Variants in SCML4 observed in about 807,000 individuals in gnomAD.
The protein encoded by SCML4 is Scm polycomb group protein like 4.
SCML4 carries 34 observed loss-of-function variants against 41.1 expected under a neutral mutation model. The ratio of observed to expected loss-of-function variants is 0.83; its 90% CI spans 0.63 to 1.10. The LOEUF (loss-of-function observed/expected upper bound fraction) is 1.10. Ranked by LOEUF, SCML4 falls within the 50% of genes least tolerant of loss-of-function variation. The probability of loss-of-function intolerance (pLI) is 0.00; values close to 1 mark genes in which losing one functional copy is unlikely to be tolerated. For synonymous variants in SCML4, 214 were observed against 220.9 expected (o/e 0.97, Z 0.28); for missense variants, 522 against 534.1 (o/e 0.98, Z 0.22).
chr6:107,745,019 G>A lies in SCML4; in HGVS notation c.612C>T (p.His204=), dbSNP rs758315215. 6.2e-7 allele frequency: 1 copy of A among 1,614,036 alleles called. No individual in the cohort carries two copies. Among genetic ancestry groups the A allele is most frequent in the Non-Finnish European group, 8.5e-7 (1 of 1,179,950 alleles). Residue 204 remains histidine (H), a synonymous_variant, in exon 5 of 8, where the codon CAC becomes CAT. Coordinates refer to ENST00000369020, the MANE Select transcript of SCML4 (RefSeq NM_198081.5). Reference sequence around the variant, plus strand: ...CACTGCAGCCCCTGGGGAAGGGCTGGTGGCTGAAGAGGTCATCGCACAGGA... The same window carrying A: ...CACTGCAGCCCCTGGGGAAGGGCTGATGGCTGAAGAGGTCATCGCACAGGA... ...RSLLCDDLFS[H]QPFPRGCSAS...
chr6:107,838,971 C>T, the SCML4 span, among the ~76,000 whole-genome samples: 221 of 152,058 alleles, frequency 1.5e-3, no homozygotes, highest in African/African-American at 5.2e-3. Context: ...AACAAAAAAT[C>T]GTCCAGAAAT....
chr6:107,800,724 C>T (rs1243094351), intron 1 of SCML4, among the ~76,000 whole-genome samples: 4 of 152,192 alleles, frequency 2.6e-5, no homozygotes, highest in Non-Finnish European at 4.4e-5. Flanking sequence ...ACAGACATTA[C>T]TTCTTTGCCA....
chr6:107,775,016 A>G (rs1780820815), intron 1 of SCML4, among the ~76,000 whole-genome samples: 1 of 152,064 alleles, frequency 6.6e-6, no homozygotes, highest in Admixed American at 6.6e-5. Context: ...AAAGAAAGAA[A>G]GAAAGAAAAG....
chr6:107,774,917 G>A (rs546753683), intron 1 of SCML4, among the ~76,000 whole-genome samples: 5 of 151,846 alleles, frequency 3.3e-5, no homozygotes, highest in East Asian at 1.9e-4. Flanking sequence ...CAACTACTAG[G>A]GAGGCTGAGG....
chr6:107,704,400 T>A lies in SCML4; in HGVS notation c.*800A>T, dbSNP rs945685225. The A allele has an allele frequency of 6.6e-6, 1 of 152,180 alleles. No homozygotes were observed. Among genetic ancestry groups the A allele is most frequent in the African/African-American group, 2.4e-5 (1 of 41,438 alleles). The allele number at this position is 152,180 out of a possible 1,614,324, so 9.4% of individuals were successfully genotyped here. On this transcript the variant is annotated 3_prime_UTR_variant, in exon 8 of 8. Coordinates refer to ENST00000369020, the MANE Select transcript of SCML4 (RefSeq NM_198081.5). ...AGTTGAGTATCAGTCAGTCAGTCAA[T>A]AATGATTGGATACGAACTAGACCCC... is the stretch of plus-strand genomic sequence containing the variant.
intron 2 of SCML4, chr6:107,755,547 A>C: frequency 5.0e-6 from 6 of 1,199,328 alleles, no homozygotes; most frequent in Non-Finnish European, 6.6e-6. Flanking sequence ...AGTGTGATGC[A>C]GGGCCCAGTC....
intron 5 of SCML4, among the ~76,000 whole-genome samples, chr6:107,736,743 G>A (rs185462781): frequency 1.5e-4 from 23 of 152,316 alleles, no homozygotes; most frequent in African/African-American, 5.3e-4. Flanking sequence ...ATAGGAAGCA[G>A]GTTTCATTTC....
intron 5 of SCML4, among the ~76,000 whole-genome samples, chr6:107,738,109 G>A (rs1000263341): frequency 1.3e-5 from 2 of 151,976 alleles, no homozygotes; most frequent in African/African-American, 4.8e-5. Flanking sequence ...TTTTCCCCGT[G>A]GTCATCTCAT....
intron 1 of SCML4, among the ~76,000 whole-genome samples, chr6:107,803,436 G>GC (rs1192186302): frequency 1.4e-5 from 2 of 147,252 alleles, no homozygotes; most frequent in East Asian, 2.0e-4. Flanking sequence ...GGGGGGGTCA[G>GC]CCCCCCGCCC....
intron 6 of SCML4, among the ~76,000 whole-genome samples, chr6:107,712,434 G>A (rs929096490): frequency 9.2e-5 from 14 of 152,148 alleles, no homozygotes; most frequent in African/African-American, 3.4e-4. Context: ...CAGGTGGCTG[G>A]TTTGTCTTTA....
chr6:107,812,616 A>G (rs1053878928), intron 1 of SCML4, among the ~76,000 whole-genome samples: 1 of 152,134 alleles, frequency 6.6e-6, no homozygotes, highest in African/African-American at 2.4e-5. Flanking sequence ...GAAGGCCTGA[A>G]AAGAACAAAA....
At chr6:107,738,142 G>A (rs1348606885) in intron 5 of SCML4, among the ~76,000 whole-genome samples, 1 of 152,200 alleles carries the variant, frequency 6.6e-6, no homozygotes, top group Non-Finnish European at 1.5e-5. Flanking sequence ...AGCCACCAGT[G>A]TTATCAAATC....
At chr6:107,727,207 T>C (rs1363409920) in intron 5 of SCML4, among the ~76,000 whole-genome samples, 1 of 151,968 alleles carries the variant, frequency 6.6e-6, no homozygotes, top group African/African-American at 2.4e-5. Flanking sequence ...GAAAGGCAAA[T>C]CTATACAGAC....
At chr6:107,781,026 A>G (rs1466752926) in intron 1 of SCML4, among the ~76,000 whole-genome samples, 1 of 152,152 alleles carries the variant, frequency 6.6e-6, no homozygotes, top group Non-Finnish European at 1.5e-5. Flanking sequence ...TTGTTTTAAC[A>G]CAAAAGAAGG....
chr6:107,761,498 G>A (rs955523223), intron 2 of SCML4, among the ~76,000 whole-genome samples: 70 of 151,514 alleles, frequency 4.6e-4, no homozygotes, highest in Non-Finnish European at 7.8e-4. Context: ...GTGCAATGGC[G>A]CAATCTCGGC....
chr6:107,819,241 G>GGCAATTATTTGCT (rs1784776194), intron 1 of SCML4, among the ~76,000 whole-genome samples: 1 of 152,186 alleles, frequency 6.6e-6, no homozygotes, highest in African/African-American at 2.4e-5. Context: ...ACCCAGCCAA[G>GGCAATTATTTGCT]TTGAGTATTC....
At chr6:107,752,068 C>T (rs1336598290) in intron 2 of SCML4, among the ~76,000 whole-genome samples, 3 of 152,162 alleles carry the variant, frequency 2.0e-5, no homozygotes, top group Admixed American at 2.0e-4. Flanking sequence ...GAGAAGTAGA[C>T]AGATCCTGGA....
intron 2 of SCML4, among the ~76,000 whole-genome samples, chr6:107,751,576 T>A (rs1312749323): frequency 9.0e-5 from 4 of 44,472 alleles, no homozygotes; most frequent in African/African-American, 1.9e-4. Flanking sequence ...TTAACAATCT[T>A]TCTTTCTTTC....
chr6:107,806,834 T>TC (rs1480743912), intron 1 of SCML4, among the ~76,000 whole-genome samples: 1 of 152,182 alleles, frequency 6.6e-6, no homozygotes, highest in African/African-American at 2.4e-5. Flanking sequence ...GCCATCTGTT[T>TC]CTCTAGATTC....
Sources: allele counts gnomAD v4.1 joint callset (sites outside exome capture counted in the v4.1 genomes callset), GRCh38; gene constraint gnomAD v4.1.1; transcripts MANE v1.5; gene names NCBI Gene and HGNC (gene_info 2026-07-23, HGNC 2026-07-21).